MYH7B: variants seen among roughly 807,000 people sequenced by gnomAD.
MYH7B encodes the protein myosin-7B.
In MYH7B, 205 loss-of-function variants were observed where a neutral mutation model predicts 234.5. The ratio of observed to expected loss-of-function variants is 0.87; its 90% CI spans 0.78 to 0.98. The LOEUF is 0.98. Among genes scored for constraint, MYH7B ranks in the 50% least tolerant of loss-of-function variants. The pLI is 0.00. For missense variants in MYH7B, 2,652 were observed against 2,633.4 expected, an observed-to-expected ratio of 1.01 and a Z score of -0.15; for synonymous variants, 1,193 against 1,105.0, an observed-to-expected ratio of 1.08 and a Z score of -1.58.
In MYH7B at chr20:34,988,182, G is replaced by T. The variant is rs749229876; in HGVS notation, c.1507G>T (p.Glu503Ter). 2 of 1,614,188 alleles carry T rather than the reference G, an allele frequency of 1.2e-6. No homozygotes were observed. Among genetic ancestry groups the T allele is most frequent in the Admixed American group, 1.7e-5 (1 of 60,024 alleles). The stretch of plus-strand genomic sequence containing the variant: ...GCACATGTTTGTGCTGGAGCAGGAG[G>T]AGTACAAGCGGGAGGGCATCGACTG... The change falls in exon 19 of 45, where the codon GAG (glutamate) becomes TAG (stop). Residue 503 changes from glutamate to a stop codon, truncating the protein, a stop_gained. Transcript: ENST00000262873. LOFTEE classifies it high-confidence loss of function.
chr20:34,992,568 T>G (rs1276225621), intron 24 of MYH7B, among the ~76,000 whole-genome samples: 3 of 147,162 alleles, frequency 2.0e-5, no homozygotes, highest in Non-Finnish European at 4.5e-5. Context: ...TGTGTTTTTT[T>G]TTTTTTTTTT....
chr20:34,998,981 G>A, intron 35 of MYH7B, 66 bp downstream of exon 35: 1 of 1,583,942 alleles, frequency 6.3e-7, no homozygotes. Flanking sequence ...GCCCCGCTGA[G>A]GGTGGGTGAA....
At chr20:34,994,486 G>A in intron 27 of MYH7B, 85 bp downstream of exon 27, 2 of 1,432,378 alleles carry the variant, frequency 1.4e-6, no homozygotes, top group East Asian at 4.7e-5. Context: ...CGAGACCCAT[G>A]GGGCTCAGGC....
intron 38 of MYH7B, 104 bp downstream of exon 38, chr20:35,000,010 C>T (rs573425756): frequency 7.9e-6 from 9 of 1,137,480 alleles, no homozygotes; most frequent in East Asian, 5.1e-5. Context: ...CTTTGAGGTC[C>T]GGGTTGCTGT....
intron 2 of MYH7B, among the ~76,000 whole-genome samples, chr20:34,972,280 G>A (rs551640026): frequency 1.1e-3 from 164 of 152,122 alleles, no homozygotes; most frequent in African/African-American, 3.8e-3. Flanking sequence ...CCACTAGGAC[G>A]GCACCTTAAA....
Position 35,002,060 on chromosome 20 carries a change from G to A in MYH7B, c.5789G>A (p.Arg1930Gln), listed in dbSNP as rs779519306. The change falls in exon 44 of 45, where the codon CGG becomes CAG. Residue 1930 changes from arginine to glutamine, a missense_variant. Arg to Gln is a conservative substitution (Grantham distance 43, BLOSUM62 1). Coordinates refer to ENST00000262873, the Ensembl canonical transcript of MYH7B. ...ACCCAGGCCAACAAGCTGCGGGCAC[G>A]GACCCGGGACGCCCTGGGCCCCAAG... 83 of 1,613,886 alleles carry A rather than the reference G, an allele frequency of 5.1e-5. No individual in the cohort carries two copies. The highest frequency in any genetic ancestry group is 2.0e-4 in the East Asian group (9 of 44,890).
At chr20:34,977,496 A>C in intron 3 of MYH7B, 136 bp from the exon 4 acceptor site, 2 of 751,508 alleles carry the variant, frequency 2.7e-6, no homozygotes, top group Non-Finnish European at 4.5e-6. Context: ...TCCCCTGACA[A>C]TGGGAGGTAA....
chr20:34,993,554 GC>G (rs144522460), intron 26 of MYH7B, 84 bp downstream of exon 26: 1 of 1,397,428 alleles, frequency 7.2e-7, no homozygotes, highest in African/African-American at 1.5e-5. Context: ...ACCCTAACAT[GC>G]TGCCCTGTAG....
chr20:35,001,451 C>T lies in MYH7B; in HGVS notation c.5601C>T (p.Asn1867=), dbSNP rs747791000. ...CCCAGGCCGAGGAGGACAGGAAGAA[C>T]CTGGCTCGCATGCAGGACCTGGTGG... Residue 1867 remains asparagine, a synonymous_variant, in exon 43 of 45, where the codon AAC becomes AAT. Coordinates refer to ENST00000262873, the Ensembl canonical transcript of MYH7B. 16 of 1,604,586 alleles carry T rather than the reference C, an allele frequency of 1.0e-5. No individual in the cohort carries two copies. In the South Asian group the frequency reaches 1.4e-4, roughly 15 times the overall value.
intron 2 of MYH7B, among the ~76,000 whole-genome samples, chr20:34,967,892 A>G (rs1300407243): frequency 6.6e-6 from 1 of 152,076 alleles, no homozygotes; most frequent in African/African-American, 2.4e-5. Flanking sequence ...AGATCCTGGG[A>G]TTTCACATGT....
At chr20:34,983,572 G>A (rs2081973401) in intron 10 of MYH7B, among the ~76,000 whole-genome samples, 1 of 152,092 alleles carries the variant, frequency 6.6e-6, no homozygotes, top group South Asian at 2.1e-4. Flanking sequence ...GGGCAGAAAG[G>A]AGCTGGGACA....
At chr20:35,001,867 C>T (rs2082393728) in intron 43 of MYH7B, 81 bp from the exon 44 acceptor site, 3 of 1,544,414 alleles carry the variant, frequency 1.9e-6, no homozygotes, top group Non-Finnish European at 2.6e-6. Flanking sequence ...GAGGAGCTAG[C>T]TCCCTTCTTG....
chr20:35,001,952 A>G, exon 44 of MYH7B: 1 of 1,612,732 alleles, frequency 6.2e-7, no homozygotes, highest in East Asian at 2.2e-5. Flanking sequence ...CCCCAGGAGC[A>G]GCAGGCCAAC....
intron 2 of MYH7B, among the ~76,000 whole-genome samples, chr20:34,968,270 G>A (rs2081761248): frequency 6.6e-6 from 1 of 152,244 alleles, no homozygotes. Context: ...AAAGCTGAAG[G>A]AGAAACATTG....
chr20:34,975,136 T>C (rs2081836081), intron 2 of MYH7B, among the ~76,000 whole-genome samples: 1 of 152,222 alleles, frequency 6.6e-6, no homozygotes, highest in Non-Finnish European at 1.5e-5. Context: ...GAAGTCAGTA[T>C]TCTATTATCC....
exon 45 of MYH7B, chr20:35,002,260 C>T (rs2082407406): frequency 6.8e-7 from 1 of 1,475,514 alleles, no homozygotes; most frequent in South Asian, 1.4e-5. Context: ...CTGCCCCGAT[C>T]CTGCCATCTC....
intron 34 of MYH7B, 41 bp downstream of exon 34, chr20:34,998,670 C>T (rs747282487): frequency 2.0e-5 from 32 of 1,612,314 alleles, no homozygotes; most frequent in South Asian, 1.2e-4. Context: ...CAGGTGGGCA[C>T]CAGAGCCACT....
intron 19 of MYH7B, among the ~76,000 whole-genome samples, chr20:34,989,029 C>T (rs959419214): frequency 1.3e-5 from 2 of 152,158 alleles, no homozygotes; most frequent in South Asian, 2.1e-4. Flanking sequence ...AGGCTGGTCT[C>T]GAACTCCTGA....
At chr20:34,990,450 C>A (rs761417578) in intron 22 of MYH7B, 140 bp downstream of exon 22, 7 of 986,866 alleles carry the variant, frequency 7.1e-6, no homozygotes, top group Non-Finnish European at 1.2e-5. Context: ...ACGTGAACAT[C>A]ACAGCAAGTC....
Sources: allele counts gnomAD v4.1 joint callset (sites outside exome capture counted in the v4.1 genomes callset), GRCh38; gene constraint gnomAD v4.1.1; transcripts MANE v1.5; gene names NCBI Gene and HGNC (gene_info 2026-07-23, HGNC 2026-07-21).